The following WDR70 variants were observed in gnomAD, a reference collection of about 807,000 sequenced individuals.
WDR70 encodes WD repeat-containing protein 70.
In WDR70, 53 loss-of-function variants were observed where a neutral mutation model predicts 88.6. The observed-to-expected ratio is 0.60, with a 90% CI of 0.48 to 0.75. The LOEUF (loss-of-function observed/expected upper bound fraction) is 0.75, where lower values mean the gene tolerates loss of function less well. Among genes scored for constraint, WDR70 ranks in the 30% least tolerant of loss-of-function variants. The pLI, the probability that WDR70 is intolerant of heterozygous loss-of-function variation, is 0.00. For missense variants in WDR70, 610 were observed against 823.2 expected, an observed-to-expected ratio of 0.74 and a Z score of 3.17; for synonymous variants, 280 against 270.0, an observed-to-expected ratio of 1.04 and a Z score of -0.36.
At chr5:37,557,961 T>TAAAACTCTTCAAAAGA (rs1742360947) in intron 9 of WDR70, among the ~76,000 whole-genome samples, 1 of 148,286 alleles carries the variant, frequency 6.7e-6, no homozygotes, top group African/African-American at 2.5e-5. Flanking sequence ...AAGAGTATTA[T>TAAAACTCTTCAAAAGA]GTATATTTAT....
intron 10 of WDR70, among the ~76,000 whole-genome samples, chr5:37,657,211 A>C (rs1306619519): frequency 1.3e-5 from 2 of 152,144 alleles, no homozygotes; most frequent in African/African-American, 4.8e-5. Context: ...ACCATTCCTC[A>C]CAGCAGGGTC....
intron 9 of WDR70, among the ~76,000 whole-genome samples, chr5:37,526,144 T>G (rs1401447130): frequency 2.0e-5 from 3 of 152,168 alleles, no homozygotes; most frequent in Non-Finnish European, 4.4e-5. Flanking sequence ...GAGGCCAGCA[T>G]CATCTTGATA....
At chr5:37,711,987 C>CTTTTTTTTTTTTTTT (rs70978842) in intron 13 of WDR70, among the ~76,000 whole-genome samples, 5 of 104,022 alleles carry the variant, frequency 4.8e-5, no homozygotes, top group African/African-American at 7.5e-5. Context: ...TATATTTTTT[C>CTTTTTTTTTTTTTTT]TTTTTTTTTT....
chr5:37,741,877 C>G (rs1748493277), intron 17 of WDR70, among the ~76,000 whole-genome samples: 1 of 152,202 alleles, frequency 6.6e-6, no homozygotes, highest in African/African-American at 2.4e-5. Flanking sequence ...CTTTCTGTGA[C>G]TGGCCAATTT....
chr5:37,736,603 G>A (rs1002308454), intron 17 of WDR70, among the ~76,000 whole-genome samples: 1 of 147,606 alleles, frequency 6.8e-6, no homozygotes, highest in Non-Finnish European at 1.5e-5. Context: ...GCATCAGAGC[G>A]GTGTATGTAG....
At chr5:37,522,655 C>T (rs1389346703) in intron 9 of WDR70, among the ~76,000 whole-genome samples, 5 of 152,118 alleles carry the variant, frequency 3.3e-5, no homozygotes, top group Non-Finnish European at 5.9e-5. Context: ...GTGCAGCCCA[C>T]TGAACGTGAG....
chr5:37,685,998 T>C (rs1046315022), intron 10 of WDR70, among the ~76,000 whole-genome samples: 1 of 152,168 alleles, frequency 6.6e-6, no homozygotes, highest in African/African-American at 2.4e-5. Flanking sequence ...CCTGGTTCCT[T>C]GGTGGCAGCT....
chr5:37,467,130 G>C (rs1739175590), intron 7 of WDR70, among the ~76,000 whole-genome samples: 1 of 151,192 alleles, frequency 6.6e-6, no homozygotes, highest in Non-Finnish European at 1.5e-5. Context: ...GGGAGGTTGA[G>C]GTGGGAGAAT....
chr5:37,607,923 A>G (rs10473056), intron 10 of WDR70, among the ~76,000 whole-genome samples: 5,671 of 151,730 alleles, frequency 0.037, 362 homozygotes, highest in African/African-American at 0.13. Flanking sequence ...CAAGGCATCT[A>G]TTGCCTTGTT....
intron 10 of WDR70, among the ~76,000 whole-genome samples, chr5:37,675,981 A>C (rs553280627): frequency 0.021 from 3,183 of 151,194 alleles, 139 homozygotes; most frequent in African/African-American, 0.073. Flanking sequence ...TAGGTATTTT[A>C]TTCTCTTTGA....
intron 9 of WDR70, among the ~76,000 whole-genome samples, chr5:37,573,776 C>A (rs1742979182): frequency 6.6e-6 from 1 of 152,038 alleles, no homozygotes; most frequent in African/African-American, 2.4e-5. Flanking sequence ...AAGCTTTGAT[C>A]CACACCGTTC....
At chr5:37,504,545 T>C (rs1380137825) in intron 8 of WDR70, among the ~76,000 whole-genome samples, 3 of 152,214 alleles carry the variant, frequency 2.0e-5, no homozygotes, top group African/African-American at 7.2e-5. Flanking sequence ...GATTTAAATA[T>C]AATTTAGAGA....
chr5:37,455,700 T>A (rs1377595341), intron 7 of WDR70, among the ~76,000 whole-genome samples: 2 of 148,244 alleles, frequency 1.3e-5, no homozygotes, highest in Non-Finnish European at 3.0e-5. Flanking sequence ...CTTTACTAAT[T>A]TTCTACTCTT....
chr5:37,574,927 C>G (rs952321611), intron 9 of WDR70, among the ~76,000 whole-genome samples: 1 of 152,074 alleles, frequency 6.6e-6, no homozygotes, highest in African/African-American at 2.4e-5. Flanking sequence ...CCACAATGAC[C>G]CATGTTGTCC....
chr5:37,449,318 G>A (rs1422314393), intron 7 of WDR70, among the ~76,000 whole-genome samples: 5 of 152,030 alleles, frequency 3.3e-5, no homozygotes, highest in Non-Finnish European at 7.4e-5. Context: ...CAGGCCGGGC[G>A]CAGTGGCTCA....
chr5:37,738,087 A>C (rs1344089978), intron 17 of WDR70, among the ~76,000 whole-genome samples: 1 of 151,938 alleles, frequency 6.6e-6, no homozygotes, highest in Non-Finnish European at 1.5e-5. Flanking sequence ...CACCAAAAAA[A>C]GGAATCATTT....
chr5:37,601,555 C>G (rs1743882788), intron 9 of WDR70, among the ~76,000 whole-genome samples: 1 of 152,086 alleles, frequency 6.6e-6, no homozygotes, highest in Non-Finnish European at 1.5e-5. Flanking sequence ...TAGAATTATT[C>G]CCTTTCTCTT....
In WDR70 at chr5:37,719,336, C is replaced by T. The variant is rs964452410; in HGVS notation, c.1417-1779C>T. 8.7e-5 allele frequency among the ~76,000 whole-genome samples: 13 copies of T among 149,858 alleles called. 1 individual carries two copies. In the South Asian group the frequency reaches 2.1e-3, roughly 24 times the overall value. ...AAACTAGGTTTTACAAGCATAGGTA[C>T]AAAGCAACAACAACCCCCCCCCCAA... On this transcript the variant is annotated intron_variant, in intron 13 of 17. Coordinates refer to ENST00000265107, the MANE Select transcript of WDR70 (RefSeq NM_018034.4).
chr5:37,571,812 G>A (rs1742913528), intron 9 of WDR70, among the ~76,000 whole-genome samples: 1 of 152,012 alleles, frequency 6.6e-6, no homozygotes, highest in South Asian at 2.1e-4. Flanking sequence ...TTTATTGCAG[G>A]GATTTTAGGG....
Sources: gnomAD v4.1 joint callset for allele counts (sites outside exome capture counted in the v4.1 genomes callset) on GRCh38, gnomAD v4.1.1 for gene constraint, MANE v1.5 for transcripts, NCBI Gene and HGNC (gene_info 2026-07-23, HGNC 2026-07-21) for gene names.